Variants in DPF3 observed in about 807,000 individuals in gnomAD.
The protein encoded by DPF3 is double PHD fingers 3.
A neutral mutation model predicts 56.8 loss-of-function variants in DPF3; 18 were observed. The ratio of observed to expected loss-of-function variants is 0.32; its 90% CI spans 0.22 to 0.47. The LOEUF (loss-of-function observed/expected upper bound fraction) is 0.47, where lower values mean the gene tolerates loss of function less well. Ranked by LOEUF, DPF3 falls within the 20% of genes least tolerant of loss-of-function variation. DPF3 has a pLI of 1.00. For missense variants in DPF3, 403 were observed against 488.8 expected (o/e 0.82, Z 1.65); for synonymous variants, 188 against 180.2 (o/e 1.04, Z -0.35).
chr14:72,694,204 T>A (rs994823412), intron 6 of DPF3, among the ~76,000 whole-genome samples: 2 of 152,160 alleles, frequency 1.3e-5, no homozygotes, highest in African/African-American at 4.8e-5. Context: ...TCTCGGCCCC[T>A]AGGGGGACGG....
intron 8 of DPF3, among the ~76,000 whole-genome samples, chr14:72,658,480 G>C (rs567449842): frequency 6.6e-6 from 1 of 152,104 alleles, no homozygotes; most frequent in South Asian, 2.1e-4. Flanking sequence ...AAGGGTAAAA[G>C]GAATGTGATG....
intron 8 of DPF3, chr14:72,662,577 GAA>G: frequency 1.0e-6 from 1 of 976,790 alleles, no homozygotes; most frequent in African/African-American, 1.8e-5. Flanking sequence ...GATTTAAAAA[GAA>G]AAAAAAAATC....
rs946694822 is a variant in DPF3 at position 72,718,328 on chromosome 14, G to A, written c.526-3827C>T. On this transcript the variant is annotated intron_variant, in intron 5 of 10. Coordinates refer to ENST00000556509, the MANE Select transcript of DPF3 (RefSeq NM_001280542.3). ...TAGGACAGACTCGGTCCCAAGCAGA[G>A]AGCTAGATCTTCTATACCAGTTGTT... Among the ~76,000 whole-genome samples, 12 of 152,184 alleles carry A rather than the reference G, an allele frequency of 7.9e-5. 1 individual carries two copies. The highest frequency in any genetic ancestry group is 2.9e-4 in the African/African-American group (12 of 41,432).
intron 8 of DPF3, among the ~76,000 whole-genome samples, chr14:72,633,551 A>G (rs148880627): frequency 6.6e-6 from 1 of 152,196 alleles, no homozygotes; most frequent in Admixed American, 6.5e-5. Flanking sequence ...AACCAAAAGA[A>G]GAGGTTTCAA....
chr14:72,664,347 CAT>C (rs1886355431), intron 8 of DPF3, among the ~76,000 whole-genome samples: 1 of 152,144 alleles, frequency 6.6e-6, no homozygotes, highest in Non-Finnish European at 1.5e-5. Flanking sequence ...CACACACACA[CAT>C]GTATTTTTCC....
intron 6 of DPF3, among the ~76,000 whole-genome samples, chr14:72,706,836 A>G (rs902666139): frequency 1.9e-4 from 28 of 151,198 alleles, no homozygotes; most frequent in African/African-American, 6.1e-4. Context: ...TTCTTTTATT[A>G]TTATTATACT....
chr14:72,682,294 G>A (rs1451452834), intron 7 of DPF3, among the ~76,000 whole-genome samples: 1 of 151,320 alleles, frequency 6.6e-6, no homozygotes, highest in Admixed American at 6.6e-5. Context: ...TACGTGACAC[G>A]TAATGAGATA....
intron 8 of DPF3, among the ~76,000 whole-genome samples, chr14:72,640,046 TAAAAAAAAAAAAAAAAAAAA>T (rs370070354): frequency 1.8e-4 from 8 of 45,270 alleles, no homozygotes; most frequent in South Asian, 2.1e-3. Context: ...GTTTTCTAAG[TAAAAAAAAAAAAAAAAAAAA>T]AAAAAAAAAA....
chr14:72,893,557 C>T (rs1886860600), intron 1 of DPF3, among the ~76,000 whole-genome samples: 1 of 152,066 alleles, frequency 6.6e-6, no homozygotes, highest in Admixed American at 6.5e-5. Context: ...TCCGGAGCCT[C>T]CGCGGTCCGT....
chr14:72,740,678 G>A (rs889116112), intron 3 of DPF3, among the ~76,000 whole-genome samples: 2 of 152,214 alleles, frequency 1.3e-5, no homozygotes, highest in African/African-American at 4.8e-5. Context: ...CCCAGGCCAA[G>A]GGCAGGGAAA....
chr14:72,621,921 T>C (rs1242709298), intron 9 of DPF3, among the ~76,000 whole-genome samples: 2 of 152,122 alleles, frequency 1.3e-5, no homozygotes, highest in Non-Finnish European at 2.9e-5. Flanking sequence ...GAGGGCAACC[T>C]CAGCTATAGA....
intron 8 of DPF3, among the ~76,000 whole-genome samples, chr14:72,664,720 C>A (rs979337914): frequency 2.0e-5 from 3 of 152,186 alleles, no homozygotes; most frequent in Non-Finnish European, 4.4e-5. Flanking sequence ...ATCCTCTATG[C>A]ATAGAGTGAG....
chr14:72,677,425 C>A (rs1229739985), intron 7 of DPF3, among the ~76,000 whole-genome samples: 3 of 152,168 alleles, frequency 2.0e-5, no homozygotes, highest in Non-Finnish European at 2.9e-5. Flanking sequence ...GGAGCTCTCC[C>A]AAACTTCAGC....
chr14:72,872,276 C>T (rs947704437), intron 1 of DPF3, among the ~76,000 whole-genome samples: 33 of 152,262 alleles, frequency 2.2e-4, no homozygotes, highest in African/African-American at 5.5e-4. Context: ...GAGGGGCTGC[C>T]GTGAAGGTCT....
chr14:72,689,202 G>C (rs542389029), intron 7 of DPF3, among the ~76,000 whole-genome samples: 1 of 152,186 alleles, frequency 6.6e-6, no homozygotes, highest in Admixed American at 6.5e-5. Flanking sequence ...TGAAGACAAA[G>C]CTGGGGGGCG....
At position 72,879,726 on chromosome 14, in the gene DPF3, T is replaced by A. The variant is rs1886254417; in HGVS notation, c.32+14331A>T. The A allele has an allele frequency of 3.5e-6, 5 of 1,436,916 alleles. No homozygotes were observed. The East Asian group carries it at 1.0e-4, about 29-fold the overall frequency. The allele number at this position is 1,436,916 out of a possible 1,614,324, so 89.0% of individuals were successfully genotyped here. On this transcript the variant is annotated intron_variant, in intron 1 of 10. Coordinates refer to ENST00000556509, the MANE Select transcript of DPF3 (RefSeq NM_001280542.3). ...ACACCAGGGGAATGTGTGACAAGAG[T>A]CGTCTCTCTGGGCAGGGACACAGAG...
In DPF3 at chr14:72,612,148, G is replaced by T. The variant is rs1883764731; in HGVS notation, c.*7149C>A. 6.6e-6 allele frequency among the ~76,000 whole-genome samples: 1 copy of T among 152,206 alleles called. No individual in the cohort carries two copies. Among genetic ancestry groups the T allele is most frequent in the Non-Finnish European group, 1.5e-5 (1 of 68,040 alleles). ...TTCCTTCAGAGGAAAAACCCCCAGG[G>T]TGGACAACCATGGCAGATGAGTGGG... On this transcript the variant is annotated 3_prime_UTR_variant, in exon 11 of 11. Transcript: ENST00000556509.
intron 9 of DPF3, 47 bp downstream of exon 9, chr14:72,629,577 C>CCAGCTCT (rs1599315809): frequency 2.0e-6 from 3 of 1,499,280 alleles, no homozygotes; most frequent in East Asian, 4.9e-5. Context: ...TCAAAGGACC[C>CCAGCTCT]CAGCTCTGTG....
intron 4 of DPF3, among the ~76,000 whole-genome samples, chr14:72,730,188 T>C (rs1889581929): frequency 6.7e-6 from 1 of 149,356 alleles, no homozygotes; most frequent in East Asian, 2.0e-4. Context: ...AGGGTAGCAG[T>C]GGTGGGTGCG....
Sources: allele counts gnomAD v4.1 joint callset (sites outside exome capture counted in the v4.1 genomes callset), GRCh38; gene constraint gnomAD v4.1.1; transcripts MANE v1.5; gene names NCBI Gene and HGNC (gene_info 2026-07-23, HGNC 2026-07-21).